The following DDX54 variants were observed in gnomAD, a reference collection of about 807,000 sequenced individuals.
DDX54 encodes DEAD-box helicase 54, also known as ATP-dependent RNA helicase DDX54.
Under a neutral mutation model 105.5 loss-of-function variants are expected in DDX54, and 67 were observed. The observed-to-expected ratio is 0.64, with a 90% CI of 0.52 to 0.78. DDX54 has a LOEUF of 0.78. DDX54 is among the 30% of genes least tolerant of loss of function. The pLI, the probability that DDX54 is intolerant of heterozygous loss-of-function variation, is 0.00. For missense variants in DDX54, 1,206 were observed against 1,230.5 expected (o/e 0.98, Z 0.30); for synonymous variants, 514 against 509.9 (o/e 1.01, Z -0.11).
In DDX54 at chr12:113,161,285, G is replaced by T. The variant is rs200245814; in HGVS notation, c.2398C>A (p.Arg800=). 30 of 1,611,662 alleles carry T rather than the reference G, an allele frequency of 1.9e-5. No individual in the cohort carries two copies. Among genetic ancestry groups the T allele is most frequent in the Non-Finnish European group, 2.3e-5 (27 of 1,178,774 alleles). ...TGGCTCTCACCTTGGCCACGGTCTC[G>T]CTTCCCACCTCTTCGCTCTGGGCCT... ...RRGPERRGGK[R]DRGQGASRPH... The change falls in exon 19 of 20, where the codon CGA becomes AGA. Residue 800 remains arginine, a synonymous_variant. Transcript: ENST00000306014.
At position 113,176,954 on chromosome 12, in the gene DDX54, G is replaced by C; in HGVS notation, c.657-19C>G. The stretch of plus-strand genomic sequence containing the variant: ...AATAATTCTGGAAGAGGGTGCACAG[G>C]CCAGGTGACCCCAGGGCCAGGGCCA... On this transcript the variant is annotated intron_variant, in intron 6 of 19. Coordinates refer to ENST00000306014, the MANE Select transcript of DDX54 (RefSeq NM_024072.4). 1 of 1,614,082 alleles carries C rather than the reference G, an allele frequency of 6.2e-7. No individual in the cohort carries two copies. The highest frequency in any genetic ancestry group is 8.5e-7 in the Non-Finnish European group (1 of 1,179,974).
intron 1 of DDX54, among the ~76,000 whole-genome samples, chr12:113,182,193 G>A (rs189010470): frequency 1.2e-3 from 188 of 152,202 alleles, no homozygotes; most frequent in African/African-American, 4.3e-3. Context: ...ATACAGTGAC[G>A]TGCCCAAGGT....
Position 113,157,953 on chromosome 12 carries a change from C to T in DDX54, c.*924G>A. 2.0e-6 allele frequency: 1 copy of T among 502,444 alleles called. No homozygotes were observed. The highest frequency in any genetic ancestry group is 2.9e-5 in the South Asian group (1 of 33,974). The allele number at this position is 502,444 out of a possible 1,614,324, so 31.1% of individuals were successfully genotyped here. On this transcript the variant is annotated 3_prime_UTR_variant, in exon 20 of 20. Coordinates refer to ENST00000306014, the MANE Select transcript of DDX54 (RefSeq NM_024072.4). ...CCTCTAAAATGAGATCAGACCAGGCCCTCCCTGCCAGGGTGGTTGGGGCAT... is the reference window on the plus strand; with the variant it reads ...CCTCTAAAATGAGATCAGACCAGGCTCTCCCTGCCAGGGTGGTTGGGGCAT...
chr12:113,169,708 A>G, intron 12 of DDX54, 62 bp downstream of exon 12: 1 of 1,568,988 alleles, frequency 6.4e-7, no homozygotes, highest in South Asian at 1.2e-5. Flanking sequence ...ACCTCCTCCC[A>G]CAGCCAAAAC....
intron 5 of DDX54, among the ~76,000 whole-genome samples, chr12:113,177,657 A>T (rs551238895): frequency 2.6e-5 from 4 of 152,280 alleles, no homozygotes; most frequent in African/African-American, 9.6e-5. Context: ...CCGAGAATCA[A>T]GAGTGTTAAT....
At position 113,163,314 on chromosome 12, in the gene DDX54, GC is replaced by G. The variant is rs35443623; in HGVS notation, c.1939-41del. The G allele has an allele frequency of 6.3e-7, 1 of 1,576,324 alleles. No homozygotes were observed. On this transcript the variant is annotated intron_variant, in intron 15 of 19. Coordinates refer to ENST00000306014, the MANE Select transcript of DDX54 (RefSeq NM_024072.4). This position sits in a 1 kb window ranked among gnomAD's most constrained non-coding sequence, Gnocchi z 5.9. The stretch of plus-strand genomic sequence containing the variant: ...ACCAAGGCCCAGTGTCATGCCTGCT[GC>G]CCCCTGGGGACTTCCCCCTGCCTCC...
rs117195161 is a variant in DDX54 at position 113,180,475 on chromosome 12, C to T, written c.304+454G>A. On this transcript the variant is annotated intron_variant, in intron 2 of 19. Coordinates refer to ENST00000306014, the MANE Select transcript of DDX54 (RefSeq NM_024072.4). ...CTTGAACTCCTGGCCTCAAGTGATC[C>T]TACCTCTGCCTCCCCAAACGCTAAG... 3.4e-3 allele frequency among the ~76,000 whole-genome samples: 516 copies of T among 152,276 alleles called. 3 individuals are homozygous for T. Among genetic ancestry groups the T allele is most frequent in the Non-Finnish European group, 6.4e-3 (437 of 68,026 alleles).
In DDX54 at chr12:113,162,006, G is replaced by A. The variant is rs375921914; in HGVS notation, c.2196-9C>T. 1.9e-6 allele frequency: 3 copies of A among 1,612,054 alleles called. No homozygotes were observed. Among genetic ancestry groups the A allele is most frequent in the East Asian group, 2.2e-5 (1 of 44,864 alleles). ...GCTTCTTCTTACGGTCCCTGCAGGA[G>A]AGGGAGTTGGGACGGCTGCCGTGGA... On this transcript the variant is annotated splice_polypyrimidine_tract_variant and intron_variant, in intron 17 of 19. Coordinates refer to ENST00000306014, the MANE Select transcript of DDX54 (RefSeq NM_024072.4).
At position 113,172,378 on chromosome 12, in the gene DDX54, C is replaced by T. The variant is rs1952351560; in HGVS notation, c.1254G>A (p.Lys418=). The change falls in exon 11 of 20, where the codon AAG becomes AAA. Residue 418 remains lysine (K), a synonymous_variant. Transcript: ENST00000306014. ...DNVINYSFPA[K]GKLFLHRVGR... ...CCACGCGGTGCAGGAAGAGTTTGCCCTTGGCGGGGAAGCTGTAGTTGATGA... is the reference window on the plus strand; with the variant it reads ...CCACGCGGTGCAGGAAGAGTTTGCCTTTGGCGGGGAAGCTGTAGTTGATGA... 1.2e-6 allele frequency: 2 copies of T among 1,614,136 alleles called. No homozygotes were observed. The highest frequency in any genetic ancestry group is 1.7e-6 in the Non-Finnish European group (2 of 1,180,002).
At chr12:113,174,473 C>CGAGG (rs1188197829) in intron 10 of DDX54, among the ~76,000 whole-genome samples, 167 bp downstream of exon 10, 1 of 152,120 alleles carries the variant, frequency 6.6e-6, no homozygotes, top group Admixed American at 6.6e-5. Flanking sequence ...GATGGCAGAG[C>CGAGG]GAGGCTCCGT....
At chr12:113,169,713 C>T (rs562706838) in intron 12 of DDX54, 57 bp downstream of exon 12, 40 of 1,577,318 alleles carry the variant, frequency 2.5e-5, no homozygotes, top group Non-Finnish European at 3.2e-5. Flanking sequence ...CTCCCACAGC[C>T]AAAACAGGGC....
chr12:113,159,068 C>A lies in DDX54; in HGVS notation c.2455G>T (p.Val819Phe). ...PHAPGTPAGR[V>F]RPELKTKQQI... ...TGCTTGGTCTTGAGTTCCGGGCGGA[C>A]TCGGCCTGCAGGGGTGCCTGGGGCG... Residue 819 changes from valine (V) to phenylalanine (F), a missense_variant, in exon 20 of 20, where the codon GTC (valine) becomes TTC (phenylalanine). Val to Phe is a conservative substitution (Grantham distance 50). Around this residue, in one of 3 missense-constraint regions of DDX54, gnomAD observed 961 missense variants for 1,019.1 expected, o/e 0.94. Coordinates refer to ENST00000306014, the MANE Select transcript of DDX54 (RefSeq NM_024072.4). The A allele has an allele frequency of 6.2e-7, 1 of 1,608,568 alleles. No homozygotes were observed. The highest frequency in any genetic ancestry group is 1.7e-5 in the Admixed American group (1 of 59,752).
Position 113,185,431 on chromosome 12 carries a change from C to T in DDX54, c.21G>A (p.Pro7=), listed in dbSNP as rs766532030. MAADKG[P]AAGPRSRAAM... is the part of the protein sequence containing the mutation. ...CAGCTCGCGACCGAGGTCCAGCCGCCGGGCCCTTGTCGGCCGCCATTCGGG... is the reference window on the plus strand; with the variant it reads ...CAGCTCGCGACCGAGGTCCAGCCGCTGGGCCCTTGTCGGCCGCCATTCGGG... The change falls in exon 1 of 20, where the codon CCG becomes CCA. Residue 7 remains proline, a synonymous_variant. Transcript: ENST00000306014. 9.2e-6 allele frequency: 14 copies of T among 1,519,044 alleles called. No homozygotes were observed. Among genetic ancestry groups the T allele is most frequent in the African/African-American group, 4.3e-5 (3 of 69,690 alleles). 94.1% of individuals were successfully genotyped at this position (1,519,044 alleles called of 1,614,324 possible).
chr12:113,174,247 G>A (rs1262544542), intron 10 of DDX54, among the ~76,000 whole-genome samples: 1 of 151,956 alleles, frequency 6.6e-6, no homozygotes, highest in Non-Finnish European at 1.5e-5. Context: ...GGAGGCCAAG[G>A]TGGGAGGATC....
At chr12:113,179,443 G>T in intron 3 of DDX54, 112 bp from the exon 4 acceptor site, 1 of 1,214,490 alleles carries the variant, frequency 8.2e-7, no homozygotes, top group Non-Finnish European at 1.1e-6. Flanking sequence ...TGAATGGGCA[G>T]GCACCCGTCA....
At position 113,161,959 on chromosome 12, in the gene DDX54, T is replaced by G. The variant is rs764982573; in HGVS notation, c.2234A>C (p.Gln745Pro). The G allele has an allele frequency of 6.2e-7, 1 of 1,612,644 alleles. No homozygotes were observed. The highest frequency in any genetic ancestry group is 8.5e-7 in the Non-Finnish European group (1 of 1,179,576). ...KKKRFVGQSG[Q>P]EDKKKIKTES... ...TGTCTTAATCTTCTTCTTGTCTTCC[T>G]GTCCTGACTGTCCCACAAACCGCTT... Residue 745 changes from glutamine (Q) to proline (P), a missense_variant, in exon 18 of 20, where the codon CAG becomes CCG. Transcript: ENST00000306014.
Position 113,185,363 on chromosome 12 carries a change from C to T in DDX54, c.89G>A (p.Arg30Gln), listed in dbSNP as rs777203323. Reference protein sequence around the residue: ...WRKKKGLRKRRGAASQARGSD... With the variant: ...WRKKKGLRKRQGAASQARGSD... ...GCCGCGGGCCTGGGAGGCCGCGCCT[C>T]GGCGCTTCCGGAGCCCTTTCTTCTT... The change falls in exon 1 of 20, where the codon CGA becomes CAA. Residue 30 changes from arginine to glutamine, a missense_variant. Transcript: ENST00000306014. 249 of 1,577,178 alleles carry T rather than the reference C, an allele frequency of 1.6e-4. No individual in the cohort carries two copies. The highest frequency in any genetic ancestry group is 2.0e-4 in the Non-Finnish European group (234 of 1,164,654).
intron 5 of DDX54, chr12:113,178,583 C>A (rs192767137): frequency 3.7e-5 from 6 of 162,624 alleles, no homozygotes; most frequent in Non-Finnish European, 6.6e-5. Context: ...CGCGCTGTCG[C>A]CCATGTTGGA....
At chr12:113,178,186 G>A (rs776006682) in intron 5 of DDX54, among the ~76,000 whole-genome samples, 63 of 152,180 alleles carry the variant, frequency 4.1e-4, no homozygotes, top group Non-Finnish European at 4.8e-4. Flanking sequence ...GCTGTTAGCT[G>A]TGATTGCGCC....
Sources: gnomAD v4.1 joint callset for allele counts (sites outside exome capture counted in the v4.1 genomes callset) on GRCh38, gnomAD v4.1.1 for gene constraint, gnomAD v4.1.1 regional missense constraint, Gnocchi (gnomAD v3.1) non-coding constraint, MANE v1.5 for transcripts, NCBI Gene and HGNC (gene_info 2026-07-23, HGNC 2026-07-21) for gene names.